MAF: variants seen among roughly 807,000 people sequenced by gnomAD.
MAF encodes MAF bZIP transcription factor.
MAF carries 10 observed loss-of-function variants against 22.0 expected under a neutral mutation model. That is an observed-to-expected ratio of 0.45 (90% CI 0.28 to 0.77). The LOEUF is 0.77. Among genes scored for constraint, MAF ranks in the 30% least tolerant of loss-of-function variants. The probability of loss-of-function intolerance (pLI) is 0.12; values close to 1 mark genes in which losing one functional copy is unlikely to be tolerated. For missense variants in MAF, 544 were observed against 548.4 expected (o/e 0.99, Z 0.08); for synonymous variants, 337 against 255.8 (o/e 1.32, Z -3.03).
At chr16:79,532,543 A>G in the MAF span, among the ~76,000 whole-genome samples, 1 of 152,238 alleles carries the variant, frequency 6.6e-6, no homozygotes, top group Non-Finnish European at 1.5e-5. Flanking sequence ...AGAGGCCACA[A>G]ATTATCTGGC....
At chr16:79,438,671 G>A in the MAF span, among the ~76,000 whole-genome samples, 3 of 152,156 alleles carry the variant, frequency 2.0e-5, no homozygotes, top group South Asian at 6.2e-4. Context: ...CACAGCCAGC[G>A]AGGTCGTGCA....
the MAF span, among the ~76,000 whole-genome samples, chr16:79,308,215 A>C: frequency 6.6e-6 from 1 of 152,234 alleles, no homozygotes; most frequent in African/African-American, 2.4e-5. Context: ...GTCCACATTG[A>C]TCATTTAAGA....
At chr16:79,487,766 C>G in the MAF span, among the ~76,000 whole-genome samples, 2 of 152,188 alleles carry the variant, frequency 1.3e-5, no homozygotes, top group African/African-American at 2.4e-5. Context: ...TTGGCCAGGA[C>G]CCTGGGTGAC....
At chr16:79,545,032 G>T in the MAF span, among the ~76,000 whole-genome samples, 1 of 152,124 alleles carries the variant, frequency 6.6e-6, no homozygotes, top group East Asian at 1.9e-4. Flanking sequence ...GCTCCCTCAG[G>T]CCAGGATGGT....
the MAF span, among the ~76,000 whole-genome samples, chr16:79,347,094 G>A: frequency 6.6e-6 from 1 of 152,176 alleles, no homozygotes; most frequent in Middle Eastern, 3.2e-3. Flanking sequence ...CACGCAGAGG[G>A]CTCTCAACAA....
the MAF span, among the ~76,000 whole-genome samples, chr16:79,511,092 C>G: frequency 1.6e-5 from 1 of 61,064 alleles, no homozygotes; most frequent in Non-Finnish European, 3.7e-5. Context: ...GAGAATCTCC[C>G]CGCGCACAAT....
chr16:79,301,771 C>G, the MAF span, among the ~76,000 whole-genome samples: 1 of 152,188 alleles, frequency 6.6e-6, no homozygotes, highest in Non-Finnish European at 1.5e-5. Context: ...TCATTGAGCA[C>G]TTACTGTGCT....
chr16:79,415,478 G>A, the MAF span, among the ~76,000 whole-genome samples: 7 of 152,304 alleles, frequency 4.6e-5, no homozygotes, highest in African/African-American at 7.2e-5. Flanking sequence ...TACTATCCAG[G>A]AATAGAGCTA....
the MAF span, among the ~76,000 whole-genome samples, chr16:79,448,422 A>G: frequency 8.0e-6 from 1 of 124,862 alleles, no homozygotes; most frequent in African/African-American, 3.2e-5. Flanking sequence ...GTTTTGTTTT[A>G]TTTGTTTTTG....
At chr16:79,585,938 G>A (rs60533944) in exon 2 of MAF, 155,240 of 679,980 alleles carry the variant, frequency 0.23, 19,535 homozygotes, top group East Asian at 0.46. Context: ...ATTCCCTTGG[G>A]TACCTGATTT....
the MAF span, among the ~76,000 whole-genome samples, chr16:79,569,785 T>C: frequency 2.0e-5 from 3 of 152,204 alleles, no homozygotes; most frequent in Non-Finnish European, 2.9e-5. Flanking sequence ...GCTTTTCAGA[T>C]GATTTTCACA....
chr16:79,468,323 G>A, the MAF span, among the ~76,000 whole-genome samples: 1 of 152,174 alleles, frequency 6.6e-6, no homozygotes, highest in African/African-American at 2.4e-5. Context: ...AGACGGCACT[G>A]GGGGGATGCC....
the MAF span, among the ~76,000 whole-genome samples, chr16:79,328,783 C>T: frequency 6.6e-6 from 1 of 152,192 alleles, no homozygotes; most frequent in Non-Finnish European, 1.5e-5. Flanking sequence ...CTTTGAAGAA[C>T]TGGTCCTCTC....
At chr16:79,478,100 G>A in the MAF span, among the ~76,000 whole-genome samples, 3 of 152,154 alleles carry the variant, frequency 2.0e-5, no homozygotes, top group South Asian at 2.1e-4. Flanking sequence ...AAAGCTTAGA[G>A]AGCACCTTGC....
At chr16:79,518,454 A>T in the MAF span, among the ~76,000 whole-genome samples, 142,500 of 151,992 alleles carry the variant, frequency 0.94, 67,524 homozygotes, top group East Asian at 1. Context: ...CCTGAAAACC[A>T]CTGGTAGATC....
chr16:79,585,630 C>G (rs1277892201), downstream of MAF, among the ~76,000 whole-genome samples: 1 of 152,084 alleles, frequency 6.6e-6, no homozygotes, highest in South Asian at 2.1e-4. Context: ...ATGAAATAAA[C>G]ACAGAAAAAA....
At chr16:79,250,207 C>T in the MAF span, among the ~76,000 whole-genome samples, 1 of 152,258 alleles carries the variant, frequency 6.6e-6, no homozygotes, top group African/African-American at 2.4e-5. Context: ...CCCTTGTGTT[C>T]TGGCTCTTGT....
At chr16:79,402,706 G>A in the MAF span, among the ~76,000 whole-genome samples, 1 of 152,234 alleles carries the variant, frequency 6.6e-6, no homozygotes, top group African/African-American at 2.4e-5. Flanking sequence ...GCAGGTTTCT[G>A]GAGCCCCCAT....
At chr16:79,546,048 TAATA>T in the MAF span, among the ~76,000 whole-genome samples, 1 of 151,934 alleles carries the variant, frequency 6.6e-6, no homozygotes, top group African/African-American at 2.4e-5. Flanking sequence ...TAAAAATAAA[TAATA>T]AATTATAAAA....
Sources: gnomAD v4.1 joint callset for allele counts (sites outside exome capture counted in the v4.1 genomes callset) on GRCh38, gnomAD v4.1.1 for gene constraint, MANE v1.5 for transcripts, NCBI Gene and HGNC (gene_info 2026-07-23, HGNC 2026-07-21) for gene names.